Variants in PRP4K observed in about 807,000 individuals in gnomAD.
The protein encoded by PRP4K is pre-mRNA processing factor kinase PRP4K.
the PRP4K span, among the ~76,000 whole-genome samples, chr6:4,057,356 G>A: frequency 3.0e-4 from 46 of 152,160 alleles, no homozygotes; most frequent in Non-Finnish European, 8.8e-5. Context: ...TTAAATTAGT[G>A]GTTCTAATCA....
the PRP4K span, among the ~76,000 whole-genome samples, chr6:4,050,825 CAAG>C: frequency 1.3e-5 from 2 of 152,156 alleles, no homozygotes; most frequent in Admixed American, 1.3e-4. Context: ...CAAATTGTAA[CAAG>C]AATTTCCTCA....
chr6:4,032,724 G>A, the PRP4K span: 1 of 1,586,520 alleles, frequency 6.3e-7, no homozygotes, highest in Non-Finnish European at 8.5e-7. Context: ...AAAACGACGA[G>A]AACCAGAGAG....
At chr6:4,042,635 A>G in the PRP4K span, 6 of 1,245,178 alleles carry the variant, frequency 4.8e-6, no homozygotes, top group South Asian at 6.6e-5. Context: ...ACAAAAATGT[A>G]GCATTAATAA....
the PRP4K span, among the ~76,000 whole-genome samples, chr6:4,044,951 G>A: frequency 4.0e-5 from 6 of 150,462 alleles, no homozygotes; most frequent in South Asian, 2.1e-4. Context: ...CAAGCTCCGC[G>A]TCCCAGGTCC....
At chr6:4,053,492 C>T in the PRP4K span, among the ~76,000 whole-genome samples, 2 of 152,278 alleles carry the variant, frequency 1.3e-5, no homozygotes, top group Non-Finnish European at 2.9e-5. Context: ...TATTGTTCCC[C>T]TGTGTGTCCA....
At chr6:4,029,575 A>T in the PRP4K span, among the ~76,000 whole-genome samples, 2 of 150,774 alleles carry the variant, frequency 1.3e-5, no homozygotes, top group Admixed American at 6.6e-5. Flanking sequence ...CTTGTCTCGA[A>T]CTCCTGGGTT....
chr6:4,021,589 A>T, the PRP4K span: 1 of 1,379,920 alleles, frequency 7.2e-7, no homozygotes, highest in Non-Finnish European at 1.0e-6. Flanking sequence ...TTCCGGCGCG[A>T]TTCGTTGTGG....
the PRP4K span, among the ~76,000 whole-genome samples, chr6:4,044,718 A>G: frequency 1.7e-4 from 26 of 152,252 alleles, no homozygotes; most frequent in African/African-American, 2.2e-4. Flanking sequence ...AACAGGAACC[A>G]GCAAACTTTT....
At chr6:4,039,800 C>T in the PRP4K span, among the ~76,000 whole-genome samples, 1 of 152,084 alleles carries the variant, frequency 6.6e-6, no homozygotes, top group African/African-American at 2.4e-5. Flanking sequence ...TCTCTCTTGA[C>T]ATTCTCCTTG....
the PRP4K span, among the ~76,000 whole-genome samples, chr6:4,044,863 A>ATTTAT: frequency 1.5e-5 from 2 of 132,326 alleles, no homozygotes; most frequent in African/African-American, 6.0e-5. Context: ...TATTATTATT[A>ATTTAT]TTTTTTTTTT....
At chr6:4,038,735 T>G in the PRP4K span, among the ~76,000 whole-genome samples, 2 of 152,096 alleles carry the variant, frequency 1.3e-5, no homozygotes, top group African/African-American at 4.8e-5. Flanking sequence ...ACACTGCTAG[T>G]CTTCTTGCTC....
chr6:4,021,306 CA>C, the PRP4K span: 1 of 1,371,336 alleles, frequency 7.3e-7, no homozygotes. Flanking sequence ...ACTCAGAACC[CA>C]GCTCTTCCCT....
the PRP4K span, among the ~76,000 whole-genome samples, chr6:4,028,843 C>G: frequency 4.6e-5 from 7 of 152,132 alleles, no homozygotes; most frequent in East Asian, 9.6e-4. Context: ...CTCTCTCCCC[C>G]ACCCCTTCTC....
At chr6:4,021,323 G>A in the PRP4K span, 4 of 1,484,580 alleles carry the variant, frequency 2.7e-6, no homozygotes, top group African/African-American at 4.2e-5. Flanking sequence ...TCCCTACACG[G>A]TCGGCACATG....
chr6:4,048,378 C>CAAAAAAAAAAAAAAAAAAAG, the PRP4K span, among the ~76,000 whole-genome samples: 1 of 98,934 alleles, frequency 1.0e-5, no homozygotes. Context: ...GACTCCGTCT[C>CAAAAAAAAAAAAAAAAAAAG]AAAAAAAAAA....
the PRP4K span, among the ~76,000 whole-genome samples, chr6:4,029,888 A>G: frequency 0.7 from 106,284 of 151,616 alleles, 37,295 homozygotes; most frequent in East Asian, 0.77. Flanking sequence ...TCCACCAGAC[A>G]TTAATTTCTT....
the PRP4K span, among the ~76,000 whole-genome samples, chr6:4,057,794 G>A: frequency 4.3e-4 from 48 of 111,578 alleles, no homozygotes; most frequent in African/African-American, 1.3e-3. Context: ...TTGCTTTGTC[G>A]CCCAGGCTGC....
chr6:4,058,208 G>GT, the PRP4K span, among the ~76,000 whole-genome samples: 3 of 152,154 alleles, frequency 2.0e-5, no homozygotes, highest in African/African-American at 7.2e-5. Context: ...TAGAGATGGA[G>GT]TTTCACTATG....
chr6:4,062,762 T>C, the PRP4K span: 2 of 152,622 alleles, frequency 1.3e-5, no homozygotes, highest in Admixed American at 1.3e-4. The surrounding 1 kb of genome is among the most constrained non-coding windows in gnomAD (Gnocchi z 4.2). Context: ...AAATACAAGG[T>C]GATTTTCATC....
Sources: gnomAD v4.1 joint callset for allele counts (sites outside exome capture counted in the v4.1 genomes callset) on GRCh38, gnomAD v4.1.1 for gene constraint, Gnocchi (gnomAD v3.1) non-coding constraint, MANE v1.5 for transcripts, NCBI Gene and HGNC (gene_info 2026-07-23, HGNC 2026-07-21) for gene names.